Variants in HCN1 observed in about 807,000 individuals in gnomAD.
HCN1 encodes hyperpolarization activated cyclic nucleotide gated potassium channel 1.
HCN1 carries 13 observed loss-of-function variants against 78.9 expected under a neutral mutation model. That is an observed-to-expected ratio of 0.16 (90% CI 0.11 to 0.26). HCN1 has a LOEUF of 0.26. Ranked by LOEUF, HCN1 falls within the 10% of genes least tolerant of loss-of-function variation. The probability of loss-of-function intolerance (pLI) is 1.00; values close to 1 mark genes in which losing one functional copy is unlikely to be tolerated. For synonymous variants in HCN1, 552 were observed against 455.5 expected (o/e 1.21, Z -2.70); for missense variants, 810 against 1,154.3 (o/e 0.70, Z 4.32).
rs549483859 is a variant in HCN1, at chr5:45,600,300, A to C, written c.849+44885T>G. 1.4e-4 allele frequency among the ~76,000 whole-genome samples: 21 copies of C among 152,172 alleles called. No homozygotes were observed. The South Asian group carries it at 4.1e-3, about 30-fold the overall frequency. ...TAAAATATTTGATTAATTGACCCCA[A>C]AATATTTTTCCTACTTTCTCTCTTT... On this transcript the variant is annotated intron_variant, in intron 2 of 7. Transcript: ENST00000303230.
At chr5:45,358,068 T>A (rs1370497383) in intron 4 of HCN1, among the ~76,000 whole-genome samples, 1 of 152,060 alleles carries the variant, frequency 6.6e-6, no homozygotes, top group African/African-American at 2.4e-5. Flanking sequence ...TGCCCAAACT[T>A]GAACTTTCCA....
intron 2 of HCN1, among the ~76,000 whole-genome samples, chr5:45,530,951 G>A (rs544310880): frequency 1.7e-4 from 26 of 152,150 alleles, no homozygotes; most frequent in African/African-American, 6.3e-4. Context: ...AAGACTAATG[G>A]TGGTGGTGGT....
At chr5:45,432,877 A>C (rs1405258850) in intron 3 of HCN1, among the ~76,000 whole-genome samples, 1 of 152,122 alleles carries the variant, frequency 6.6e-6, no homozygotes, top group Non-Finnish European at 1.5e-5. Flanking sequence ...TCACATGGCT[A>C]GGGAGGCAAA....
intron 5 of HCN1, among the ~76,000 whole-genome samples, chr5:45,336,265 T>C (rs193076344): frequency 9.6e-4 from 146 of 152,096 alleles, no homozygotes; most frequent in Non-Finnish European, 1.4e-3. Context: ...GAGTACAGAT[T>C]AGAGATAATG....
chr5:45,268,638 C>T (rs1323009163), intron 6 of HCN1, among the ~76,000 whole-genome samples: 1 of 152,064 alleles, frequency 6.6e-6, no homozygotes, highest in Non-Finnish European at 1.5e-5. Flanking sequence ...ACACGTGAAC[C>T]AGTCTGGGAA....
At chr5:45,471,422 C>T (rs573370619) in intron 2 of HCN1, among the ~76,000 whole-genome samples, 1 of 152,052 alleles carries the variant, frequency 6.6e-6, no homozygotes, top group African/African-American at 2.4e-5. Flanking sequence ...TCAGTTGTAG[C>T]ATATCTCCGA....
chr5:45,397,174 T>C (rs1248865348), intron 3 of HCN1, among the ~76,000 whole-genome samples: 1 of 152,162 alleles, frequency 6.6e-6, no homozygotes. Flanking sequence ...GATATAGCTG[T>C]ATAGTCCTTA....
At chr5:45,404,693 CAAAAAAAAAAAAAAA>C (rs60728403) in intron 3 of HCN1, among the ~76,000 whole-genome samples, 7 of 56,236 alleles carry the variant, frequency 1.2e-4, no homozygotes, top group Middle Eastern at 0.026. Context: ...GGGCTATTTG[CAAAAAAAAAAAAAAA>C]AAAAAAAAAA....
intron 2 of HCN1, among the ~76,000 whole-genome samples, chr5:45,471,708 T>C (rs976990642): frequency 8.5e-5 from 13 of 152,066 alleles, no homozygotes; most frequent in Admixed American, 2.0e-4. Flanking sequence ...TTATATAACA[T>C]TGAAAGTATT....
At chr5:45,347,922 C>A (rs1301808055) in intron 5 of HCN1, among the ~76,000 whole-genome samples, 1 of 152,136 alleles carries the variant, frequency 6.6e-6, no homozygotes. Flanking sequence ...GAGAATGGAA[C>A]CAAGTTGGAA....
chr5:45,483,465 G>T (rs754640272), intron 2 of HCN1, among the ~76,000 whole-genome samples: 36 of 152,018 alleles, frequency 2.4e-4, no homozygotes, highest in Non-Finnish European at 5.0e-4. Flanking sequence ...TTAAAATGGG[G>T]TTATTTGATT....
In HCN1 at chr5:45,683,548, C is replaced by T. The variant is rs1262422443; in HGVS notation, c.425+12121G>A. On this transcript the variant is annotated intron_variant, in intron 1 of 7. Transcript: ENST00000303230. Reference sequence around the variant, plus strand: ...AGAACAAGTCTCTCTTCAATTCCTGCTCACCAGGTAGCTAGCCTCAAAACT... The same window carrying T: ...AGAACAAGTCTCTCTTCAATTCCTGTTCACCAGGTAGCTAGCCTCAAAACT... Among the ~76,000 whole-genome samples the T allele has an allele frequency of 2.0e-5, 3 of 152,214 alleles. No homozygotes were observed. The East Asian group carries it at 5.8e-4, about 29-fold the overall frequency.
chr5:45,372,280 T>C (rs1281881511), intron 4 of HCN1, among the ~76,000 whole-genome samples: 5 of 85,324 alleles, frequency 5.9e-5, no homozygotes, highest in Admixed American at 4.2e-4. Context: ...TTTATATATA[T>C]AATATATATT....
chr5:45,663,289 C>T (rs1435674220), intron 1 of HCN1, among the ~76,000 whole-genome samples: 1 of 140,534 alleles, frequency 7.1e-6, no homozygotes, highest in East Asian at 2.1e-4. Context: ...TTTCTTACAC[C>T]TTATACAAAA....
At chr5:45,498,340 G>C (rs555543120) in intron 2 of HCN1, among the ~76,000 whole-genome samples, 92 of 152,100 alleles carry the variant, frequency 6.0e-4, no homozygotes, top group African/African-American at 2.0e-3. Flanking sequence ...TTCATTTCAT[G>C]TTCCATCGCT....
intron 1 of HCN1, among the ~76,000 whole-genome samples, chr5:45,686,741 T>C (rs968468713): frequency 9.8e-5 from 15 of 152,316 alleles, no homozygotes; most frequent in Admixed American, 3.9e-4. Flanking sequence ...CTAGTAACAT[T>C]ATTTATCAAA....
rs573897997 is a variant in HCN1, at chr5:45,580,788, G to A, written c.849+64397C>T. Among the ~76,000 whole-genome samples the A allele has an allele frequency of 1.3e-4, 20 of 152,230 alleles. No homozygotes were observed. The East Asian group carries it at 3.9e-3, about 29-fold the overall frequency. ...CCACCTATGAGTGAGAACATGCGGT[G>A]TTTGGTTTTTTGTCCTCGCGATAGT... On this transcript the variant is annotated intron_variant, in intron 2 of 7. Coordinates refer to ENST00000303230, the MANE Select transcript of HCN1 (RefSeq NM_021072.4).
At chr5:45,407,046 G>A (rs982778928) in intron 3 of HCN1, among the ~76,000 whole-genome samples, 4 of 152,124 alleles carry the variant, frequency 2.6e-5, no homozygotes, top group Admixed American at 6.5e-5. Context: ...GAGTATGAAA[G>A]GTGCAGATGG....
At chr5:45,589,651 A>T (rs1744320231) in intron 2 of HCN1, among the ~76,000 whole-genome samples, 2 of 152,232 alleles carry the variant, frequency 1.3e-5, no homozygotes, top group Admixed American at 6.5e-5. Flanking sequence ...GCCTTGTCCT[A>T]TATGTGCTTT....
Sources: gnomAD v4.1 joint callset for allele counts (sites outside exome capture counted in the v4.1 genomes callset) on GRCh38, gnomAD v4.1.1 for gene constraint, MANE v1.5 for transcripts, NCBI Gene and HGNC (gene_info 2026-07-23, HGNC 2026-07-21) for gene names.